Variants in SRPK2 observed in about 807,000 individuals in gnomAD.
SRPK2 encodes the protein SFRS protein kinase 2.
Under a neutral mutation model 90.8 loss-of-function variants are expected in SRPK2, and 21 were observed. That is an observed-to-expected ratio of 0.23 (90% CI 0.16 to 0.33). The LOEUF is 0.33. Ranked by LOEUF, SRPK2 falls within the 10% of genes least tolerant of loss-of-function variation. The pLI, the probability that SRPK2 is intolerant of heterozygous loss-of-function variation, is 1.00. For synonymous variants in SRPK2, 288 were observed against 311.1 expected (o/e 0.93, Z 0.78); for missense variants, 620 against 869.0 (o/e 0.71, Z 3.60).
chr7:105,281,201 AT>A (rs1401887778), intron 2 of SRPK2, among the ~76,000 whole-genome samples: 1 of 151,534 alleles, frequency 6.6e-6, no homozygotes, highest in Non-Finnish European at 1.5e-5. Context: ...GGTTCAAGTG[AT>A]TCTCCTGTCT....
intron 2 of SRPK2, among the ~76,000 whole-genome samples, chr7:105,214,487 G>A (rs1237967843): frequency 6.6e-6 from 1 of 152,166 alleles, no homozygotes; most frequent in East Asian, 1.9e-4. Context: ...CTGTGGCAAT[G>A]TCTGCAAACA....
chr7:105,341,648 G>C (rs978191249), intron 2 of SRPK2, among the ~76,000 whole-genome samples: 1 of 152,072 alleles, frequency 6.6e-6, no homozygotes, highest in African/African-American at 2.4e-5. Flanking sequence ...TTCCAGTCTA[G>C]GCAACAAAGC....
chr7:105,216,609 C>T (rs1376659444), intron 2 of SRPK2, among the ~76,000 whole-genome samples: 4 of 149,578 alleles, frequency 2.7e-5, no homozygotes, highest in African/African-American at 7.4e-5. Flanking sequence ...GAGCCGAGAT[C>T]GCACCACTGT....
chr7:105,207,431 A>G (rs1395431081), intron 2 of SRPK2, among the ~76,000 whole-genome samples: 2 of 152,220 alleles, frequency 1.3e-5, no homozygotes, highest in Non-Finnish European at 2.9e-5. Flanking sequence ...AAGTCTATCA[A>G]CAGATTAAAA....
intron 2 of SRPK2, among the ~76,000 whole-genome samples, chr7:105,388,064 G>C (rs866319294): frequency 2.0e-5 from 3 of 152,182 alleles, no homozygotes; most frequent in African/African-American, 7.2e-5. Flanking sequence ...CACAGGTCTC[G>C]GGGCTGAACT....
At chr7:105,385,901 A>T (rs1425382166) in intron 2 of SRPK2, among the ~76,000 whole-genome samples, 3 of 152,184 alleles carry the variant, frequency 2.0e-5, no homozygotes, top group Non-Finnish European at 4.4e-5. Flanking sequence ...ATTACTTAAC[A>T]TGTCCCATCT....
Position 105,203,751 on chromosome 7 carries a change from G to C in SRPK2, c.106C>G (p.Pro36Ala). The stretch of plus-strand genomic sequence containing the variant: ...GGTGGTGGTGGTGGCGGTGGAGGAG[G>C]AGGAACTAAAGGAGCTTTCTGTTGA... ...EPQQKAPLVP[P>A]PPPPPPPPPP... Residue 36 changes from proline to alanine, a missense_variant, in exon 3 of 16, where the codon CCT (proline) becomes GCT (alanine). By Grantham distance (27) the Pro-to-Ala change is conservative. This residue lies in a region of SRPK2 where 56 missense variants were observed against 49.6 expected (regional missense o/e 1.13). Coordinates refer to ENST00000393651, the MANE Select transcript of SRPK2 (RefSeq NM_182692.3). The C allele has an allele frequency of 3.1e-6, 5 of 1,604,220 alleles. No individual in the cohort carries two copies. Among genetic ancestry groups the C allele is most frequent in the Non-Finnish European group, 3.4e-6 (4 of 1,175,260 alleles).
intron 2 of SRPK2, among the ~76,000 whole-genome samples, chr7:105,360,645 A>G (rs1218068950): frequency 1.3e-5 from 2 of 152,072 alleles, no homozygotes; most frequent in East Asian, 1.9e-4. Flanking sequence ...GTTTGGCTGG[A>G]TATGAAATTC....
At chr7:105,363,994 T>A (rs775957443) in intron 2 of SRPK2, among the ~76,000 whole-genome samples, 1 of 126,850 alleles carries the variant, frequency 7.9e-6, no homozygotes, top group Non-Finnish European at 1.6e-5. Flanking sequence ...TGAGAACACA[T>A]GGACACAGGG....
intron 2 of SRPK2, among the ~76,000 whole-genome samples, chr7:105,342,078 A>G (rs1815874699): frequency 6.6e-6 from 1 of 152,130 alleles, no homozygotes; most frequent in Non-Finnish European, 1.5e-5. Flanking sequence ...ATCCTAGCTA[A>G]CACAGTGAAA....
chr7:105,178,567 C>A (rs1030183824), intron 3 of SRPK2, among the ~76,000 whole-genome samples: 1 of 152,148 alleles, frequency 6.6e-6, no homozygotes, highest in African/African-American at 2.4e-5. Context: ...GTGGCTCACG[C>A]CGCTGATAAT....
intron 1 of SRPK2, among the ~76,000 whole-genome samples, chr7:105,394,930 G>A (rs1822280127): frequency 6.6e-6 from 1 of 152,132 alleles, no homozygotes; most frequent in African/African-American, 2.4e-5. Context: ...CAGCCCTTTG[G>A]GAGGCCAAGG....
chr7:105,297,091 A>C (rs1311665252), intron 2 of SRPK2, among the ~76,000 whole-genome samples: 1 of 152,240 alleles, frequency 6.6e-6, no homozygotes, highest in Non-Finnish European at 1.5e-5. Context: ...TCTACTGGAC[A>C]ATACTCTAGG....
At position 105,388,718 on chromosome 7, in the gene SRPK2, C is replaced by A. The variant is rs771486365; in HGVS notation, c.17-16G>T. ...ATGGCCAGCACTGGGGAAGAGAAGA[C>A]ACACATTAACGGTCGGGCCGCCCGC... On this transcript the variant is annotated splice_polypyrimidine_tract_variant and intron_variant, in intron 1 of 15. Transcript: ENST00000393651. 1 of 1,568,394 alleles carries A rather than the reference C, an allele frequency of 6.4e-7. No individual in the cohort carries two copies. Among genetic ancestry groups the A allele is most frequent in the African/African-American group, 1.4e-5 (1 of 71,276 alleles).
chr7:105,239,110 A>C (rs1411319573), intron 2 of SRPK2, among the ~76,000 whole-genome samples: 2 of 152,242 alleles, frequency 1.3e-5, no homozygotes, highest in Non-Finnish European at 2.9e-5. Context: ...ATTGCACTAC[A>C]TATCTGAATA....
rs1387197850 is a variant in SRPK2, at chr7:105,304,005, GA to G, written c.71+84642del. 2.6e-5 allele frequency among the ~76,000 whole-genome samples: 4 copies of G among 152,164 alleles called. No homozygotes were observed. The South Asian group carries it at 6.2e-4, about 24-fold the overall frequency. On this transcript the variant is annotated intron_variant, in intron 2 of 15. Transcript: ENST00000393651. ...ACTTCAAAAGTTTTCATTACGACCT[GA>G]AAACATGAAATTTGCAATGGTATAC...
At chr7:105,145,924 C>T (rs907279540) in intron 8 of SRPK2, among the ~76,000 whole-genome samples, 1 of 152,266 alleles carries the variant, frequency 6.6e-6, no homozygotes, top group East Asian at 1.9e-4. Context: ...CCTGACAACA[C>T]ACAAAGGCAC....
chr7:105,304,060 T>C (rs1034826159), intron 2 of SRPK2, among the ~76,000 whole-genome samples: 2 of 152,214 alleles, frequency 1.3e-5, no homozygotes, highest in African/African-American at 2.4e-5. Flanking sequence ...CAAGAAAACA[T>C]CCATCTCAAA....
chr7:105,186,576 C>T (rs1275705627), intron 3 of SRPK2, among the ~76,000 whole-genome samples: 1 of 152,212 alleles, frequency 6.6e-6, no homozygotes, highest in Non-Finnish European at 1.5e-5. Flanking sequence ...TTCTGACGGA[C>T]TGTGTTCTTC....
Sources: gnomAD v4.1 joint callset for allele counts (sites outside exome capture counted in the v4.1 genomes callset) on GRCh38, gnomAD v4.1.1 for gene constraint, gnomAD v4.1.1 regional missense constraint, MANE v1.5 for transcripts, NCBI Gene and HGNC (gene_info 2026-07-23, HGNC 2026-07-21) for gene names.